Variants in PCDHGB7 observed in about 807,000 individuals in gnomAD.
PCDHGB7 encodes the protein protocadherin gamma-B7.
PCDHGB7 carries 37 observed loss-of-function variants against 61.4 expected under a neutral mutation model. The ratio of observed to expected loss-of-function variants is 0.60; its 90% CI spans 0.46 to 0.79. The LOEUF (loss-of-function observed/expected upper bound fraction) is 0.79. PCDHGB7 is among the 30% of genes least tolerant of loss of function. The pLI, the probability that PCDHGB7 is intolerant of heterozygous loss-of-function variation, is 0.00. For synonymous variants in PCDHGB7, 464 were observed against 503.5 expected, an observed-to-expected ratio of 0.92 and a Z score of 1.05; for missense variants, 1,166 against 1,202.5, an observed-to-expected ratio of 0.97 and a Z score of 0.45.
At chr5:141,428,066 A>T in intron 1 of PCDHGB7, 2 of 1,609,118 alleles carry the variant, frequency 1.2e-6, no homozygotes, top group Non-Finnish European at 1.7e-6. Context: ...CGGTGGACGC[A>T]GATTCGGGAC....
chr5:141,423,883 A>G, intron 1 of PCDHGB7: 2 of 1,283,462 alleles, frequency 1.6e-6, no homozygotes, highest in Non-Finnish European at 2.0e-6. Context: ...CAATCTTGGC[A>G]TATTTTCTTT....
At chr5:141,462,415 C>G (rs998182982) in intron 1 of PCDHGB7, among the ~76,000 whole-genome samples, 2 of 152,092 alleles carry the variant, frequency 1.3e-5, no homozygotes, top group Non-Finnish European at 2.9e-5. Context: ...AGAATATGGT[C>G]TATCTTGGTG....
intron 1 of PCDHGB7, among the ~76,000 whole-genome samples, chr5:141,448,007 AC>A (rs1430481139): frequency 1.3e-5 from 2 of 151,784 alleles, no homozygotes; most frequent in Non-Finnish European, 2.9e-5. Context: ...AATCGCTTGA[AC>A]CCAGGAGGTG....
intron 1 of PCDHGB7, chr5:141,475,974 A>G: frequency 1.0e-6 from 1 of 975,714 alleles, no homozygotes; most frequent in Non-Finnish European, 1.5e-6. Flanking sequence ...GCAGAGACTG[A>G]ACAGCCGGCG....
At chr5:141,422,217 C>T (rs1207888890) in intron 1 of PCDHGB7, 2 of 1,563,582 alleles carry the variant, frequency 1.3e-6, no homozygotes, top group Admixed American at 2.0e-5. Context: ...GTCTCTTTAC[C>T]ACCACGACGA....
At position 141,486,460 on chromosome 5, in the gene PCDHGB7, T is replaced by A. The variant is rs1218788640; in HGVS notation, c.2416-8347T>A. 6.2e-7 allele frequency: 1 copy of A among 1,614,146 alleles called. No individual in the cohort carries two copies. Among genetic ancestry groups the A allele is most frequent in the South Asian group, 1.1e-5 (1 of 91,082 alleles). On this transcript the variant is annotated intron_variant, in intron 1 of 3. Coordinates refer to ENST00000398594, the MANE Select transcript of PCDHGB7 (RefSeq NM_018927.4). The surrounding 1 kb of genome is among the most constrained non-coding windows in gnomAD (Gnocchi z 5.0). Reference sequence around the variant, plus strand: ...ATGACATCATGGTCACTGCTTCTGATGCTGGGAACCCTCCTCTCAGTACCC... The same window carrying A: ...ATGACATCATGGTCACTGCTTCTGAAGCTGGGAACCCTCCTCTCAGTACCC...
intron 1 of PCDHGB7, chr5:141,471,509 TA>T (rs1211467109): frequency 6.6e-6 from 1 of 152,008 alleles, no homozygotes; most frequent in Non-Finnish European, 1.5e-5. Context: ...AGAGAGGGAG[TA>T]AAAATAACAG....
intron 1 of PCDHGB7, among the ~76,000 whole-genome samples, chr5:141,438,036 C>T (rs1299733977): frequency 4.6e-5 from 7 of 152,026 alleles, no homozygotes; most frequent in South Asian, 2.1e-4. Flanking sequence ...CCACCATGCC[C>T]GACCACTTTG....
At chr5:141,497,827 C>T (rs1390986916) in intron 2 of PCDHGB7, among the ~76,000 whole-genome samples, 3 of 152,188 alleles carry the variant, frequency 2.0e-5, no homozygotes, top group East Asian at 3.9e-4. Flanking sequence ...GGTGTGATCG[C>T]CCCCGGCCAC....
intron 1 of PCDHGB7, among the ~76,000 whole-genome samples, chr5:141,437,588 A>G (rs1399641711): frequency 6.6e-6 from 1 of 152,134 alleles, no homozygotes; most frequent in African/African-American, 2.4e-5. Context: ...CATGAATTGG[A>G]TAGTTCTGGT....
At chr5:141,508,830 C>G (rs1320903059) in intron 3 of PCDHGB7, among the ~76,000 whole-genome samples, 2 of 152,150 alleles carry the variant, frequency 1.3e-5, no homozygotes, top group Non-Finnish European at 2.9e-5. Flanking sequence ...CTGGGCCCCC[C>G]TCCCCTACCC....
chr5:141,487,033 A>T lies in PCDHGB7; in HGVS notation c.2416-7774A>T, dbSNP rs1465525110. ...AGGCCCCAGATCCCAGCCTGTTTGC[A>T]GTCTCTCGATATGCTGGGGAGGTGC... On this transcript the variant is annotated intron_variant, in intron 1 of 3. Coordinates refer to ENST00000398594, the MANE Select transcript of PCDHGB7 (RefSeq NM_018927.4). This position sits in a 1 kb window ranked among gnomAD's most constrained non-coding sequence, Gnocchi z 5.0. The T allele has an allele frequency of 6.2e-7, 1 of 1,614,042 alleles. No homozygotes were observed. The highest frequency in any genetic ancestry group is 8.5e-7 in the Non-Finnish European group (1 of 1,180,040).
rs2096371335 is a variant in PCDHGB7 at position 141,419,377 on chromosome 5, C to A, written c.1518C>A (p.Ser506=). ...LESRTLSSYV[S]VSAQSGVVFA... is the part of the protein sequence containing the mutation. ...CACGAACGCTGTCGTCCTACGTGTC[C>A]GTGAGCGCGCAGAGCGGGGTGGTGT... The change falls in exon 1 of 4, where the codon TCC becomes TCA. Residue 506 remains serine, a synonymous_variant. Transcript: ENST00000398594. The A allele has an allele frequency of 6.2e-7, 1 of 1,613,572 alleles. No individual in the cohort carries two copies. The highest frequency in any genetic ancestry group is 1.3e-5 in the African/African-American group (1 of 74,948).
chr5:141,427,855 G>T (rs2097079766), intron 1 of PCDHGB7: 1 of 1,553,826 alleles, frequency 6.4e-7, no homozygotes, highest in Non-Finnish European at 8.8e-7. Flanking sequence ...GAGCAGCTGT[G>T]CGCCTTCGAG....
In PCDHGB7 at chr5:141,487,135, A is replaced by T; in HGVS notation, c.2416-7672A>T. 6.2e-7 allele frequency: 1 copy of T among 1,613,544 alleles called. No individual in the cohort carries two copies. The highest frequency in any genetic ancestry group is 8.5e-7 in the Non-Finnish European group (1 of 1,179,856). ...TGGTAAAGGATAGTGGTAGTCCACC[A>T]CTCTCTACCTCTGTTACTCTCTTAG... On this transcript the variant is annotated intron_variant, in intron 1 of 3. Transcript: ENST00000398594. The surrounding 1 kb of genome is among the most constrained non-coding windows in gnomAD (Gnocchi z 5.0).
At chr5:141,507,009 C>T (rs988626142) in intron 3 of PCDHGB7, 1 of 152,154 alleles carries the variant, frequency 6.6e-6, no homozygotes, top group South Asian at 2.1e-4. Context: ...ATGAGAGAAC[C>T]GAGAAGGCAC....
At chr5:141,501,837 G>C (rs2099811299) in intron 2 of PCDHGB7, among the ~76,000 whole-genome samples, 1 of 152,018 alleles carries the variant, frequency 6.6e-6, no homozygotes, top group Admixed American at 6.5e-5. Flanking sequence ...CCACCTGTTT[G>C]GCCCTCAACC....
chr5:141,421,834 CGA>C lies in PCDHGB7; in HGVS notation c.2415+1565_2415+1566del, dbSNP rs763631483. The C allele has an allele frequency of 2.1e-5, 34 of 1,613,630 alleles. No homozygotes were observed. The Admixed American group carries it at 5.5e-4, about 26-fold the overall frequency. ...GCTAGTACTGGAGGGAAGCCTGGAC[CGA>C]GAGAAAGAGGCTGCTCACCTGCTCC... On this transcript the variant is annotated intron_variant, in intron 1 of 3. Transcript: ENST00000398594.
At chr5:141,446,450 T>C (rs922188307) in intron 1 of PCDHGB7, among the ~76,000 whole-genome samples, 2 of 152,018 alleles carry the variant, frequency 1.3e-5, no homozygotes, top group Non-Finnish European at 2.9e-5. Context: ...AGTGCAGATA[T>C]TCAGTGTGTG....
Sources: gnomAD v4.1 joint callset for allele counts (sites outside exome capture counted in the v4.1 genomes callset) on GRCh38, gnomAD v4.1.1 for gene constraint, Gnocchi (gnomAD v3.1) non-coding constraint, MANE v1.5 for transcripts, NCBI Gene and HGNC (gene_info 2026-07-23, HGNC 2026-07-21) for gene names.